RAD54L2: variants seen among roughly 807,000 people sequenced by gnomAD.
RAD54L2 encodes helicase ARIP4.
In RAD54L2, 27 loss-of-function variants were observed where a neutral mutation model predicts 138.4. That is an observed-to-expected ratio of 0.20 (90% CI 0.14 to 0.27). The LOEUF is 0.27. Among genes scored for constraint, RAD54L2 ranks in the 10% least tolerant of loss-of-function variants. RAD54L2 has a pLI of 1.00. For synonymous variants in RAD54L2, 644 were observed against 723.2 expected, an observed-to-expected ratio of 0.89 and a Z score of 1.76; for missense variants, 1,396 against 1,890.2, an observed-to-expected ratio of 0.74 and a Z score of 4.85.
At chr3:51,617,375 C>T (rs576921750) in intron 3 of RAD54L2, among the ~76,000 whole-genome samples, 3 of 152,276 alleles carry the variant, frequency 2.0e-5, no homozygotes, top group African/African-American at 7.2e-5. Flanking sequence ...CCCACATCTT[C>T]GTTAGCACTT....
chr3:51,551,763 T>C (rs932627230), intron 2 of RAD54L2, among the ~76,000 whole-genome samples: 3 of 151,302 alleles, frequency 2.0e-5, no homozygotes, highest in Non-Finnish European at 4.4e-5. Context: ...TTCTTTCTTT[T>C]TTTTTTTTGA....
chr3:51,543,008 A>G (rs1553671585), intron 2 of RAD54L2, among the ~76,000 whole-genome samples: 1 of 152,114 alleles, frequency 6.6e-6, no homozygotes, highest in African/African-American at 2.4e-5. Context: ...CTGGCACCAG[A>G]GACCTGGCTT....
At position 51,657,622 on chromosome 3, in the gene RAD54L2, CA is replaced by C; in HGVS notation, c.3271del (p.Arg1091GlufsTer136). On this transcript the variant is annotated frameshift_variant, in exon 21 of 23. Coordinates refer to ENST00000684192, the MANE Select transcript of RAD54L2 (RefSeq NM_015106.4). LOFTEE classifies it high-confidence loss of function. ...CTCAACAGCTCCACAGATGTACAGG[CA>C]AGAATTAATGCTGGTGAGAGCATCC... is the stretch of plus-strand genomic sequence containing the variant. ...PGLNSSTDVQ[A>X]RINAGESIHI... 6.3e-7 allele frequency: 1 copy of C among 1,585,350 alleles called. No homozygotes were observed. Among genetic ancestry groups the C allele is most frequent in the Non-Finnish European group, 8.6e-7 (1 of 1,163,774 alleles).
chr3:51,626,533 C>T (rs1408219141), intron 3 of RAD54L2, among the ~76,000 whole-genome samples: 7 of 143,212 alleles, frequency 4.9e-5, no homozygotes, highest in Admixed American at 1.5e-4. Context: ...CAACCTCCGC[C>T]TCCTGGGTTC....
chr3:51,545,339 G>A lies in RAD54L2; in HGVS notation c.-55+3689G>A, dbSNP rs570929403. On this transcript the variant is annotated intron_variant, in intron 2 of 22. Transcript: ENST00000684192. ...CCTGAGCAGCTGGGATTACAGGCGC[G>A]TGCCACCACGCCTGGCTAGTTTTTG... Among the ~76,000 whole-genome samples the A allele has an allele frequency of 3.7e-3, 562 of 152,074 alleles. 6 individuals carry two copies. Among genetic ancestry groups the A allele is most frequent in the Non-Finnish European group, 1.1e-3 (74 of 68,004 alleles).
intron 2 of RAD54L2, among the ~76,000 whole-genome samples, chr3:51,587,109 T>C (rs1699727673): frequency 6.6e-6 from 1 of 152,012 alleles, no homozygotes; most frequent in Non-Finnish European, 1.5e-5. Context: ...CTTTCTTTTT[T>C]TTTTTCTCGA....
rs1479171981 is a variant in RAD54L2, at chr3:51,657,615, G to T, written c.3262G>T (p.Val1088Leu). Reference protein sequence around the residue: ...VIPGLNSSTDVQARINAGESI... With the variant: ...VIPGLNSSTDLQARINAGESI... ...TCCTGGACTCAACAGCTCCACAGAT[G>T]TACAGGCAAGAATTAATGCTGGTGA... Residue 1088 changes from valine (V) to leucine (L), a missense_variant, in exon 21 of 23, where the codon GTA (valine) becomes TTA (leucine). Around this residue, in one of 7 missense-constraint regions of RAD54L2, gnomAD observed 634 missense variants for 711.2 expected, o/e 0.89. Coordinates refer to ENST00000684192, the MANE Select transcript of RAD54L2 (RefSeq NM_015106.4). 2 of 1,584,834 alleles carry T rather than the reference G, an allele frequency of 1.3e-6. No individual in the cohort carries two copies.
At chr3:51,562,438 C>T (rs537493555) in intron 2 of RAD54L2, among the ~76,000 whole-genome samples, 3 of 152,248 alleles carry the variant, frequency 2.0e-5, no homozygotes, top group Admixed American at 6.5e-5. Context: ...ACATGTTGGC[C>T]AGGCTGGTTT....
intron 3 of RAD54L2, among the ~76,000 whole-genome samples, chr3:51,608,147 C>T (rs556858982): frequency 9.9e-5 from 15 of 151,014 alleles, no homozygotes; most frequent in African/African-American, 2.7e-4. Context: ...ACCTCCCAGA[C>T]GAGGTGGCGG....
At chr3:51,654,133 C>T (rs371857845) in intron 19 of RAD54L2, among the ~76,000 whole-genome samples, 13 of 149,626 alleles carry the variant, frequency 8.7e-5, no homozygotes, top group East Asian at 4.0e-4. Context: ...CTGCAACCTT[C>T]GCTTCCTGGG....
At chr3:51,647,655 G>C (rs974856683) in intron 19 of RAD54L2, among the ~76,000 whole-genome samples, 1 of 152,052 alleles carries the variant, frequency 6.6e-6, no homozygotes, top group Non-Finnish European at 1.5e-5. Context: ...GGCAACAAGA[G>C]CAAAACTCCG....
At chr3:51,605,451 G>GTTTTTT (rs56187003) in intron 3 of RAD54L2, among the ~76,000 whole-genome samples, 3 of 109,240 alleles carry the variant, frequency 2.7e-5, no homozygotes, top group African/African-American at 3.6e-5. Flanking sequence ...GAATTTGAGG[G>GTTTTTT]TTTTTTTTTT....
At chr3:51,556,783 T>C (rs1453704341) in intron 2 of RAD54L2, among the ~76,000 whole-genome samples, 1 of 151,196 alleles carries the variant, frequency 6.6e-6, no homozygotes, top group Non-Finnish European at 1.5e-5. Flanking sequence ...TCCATTTTGG[T>C]CAGGCTGTTG....
intron 2 of RAD54L2, among the ~76,000 whole-genome samples, chr3:51,562,550 A>C (rs1380889416): frequency 6.6e-6 from 1 of 152,142 alleles, no homozygotes; most frequent in Non-Finnish European, 1.5e-5. Context: ...TTTTTAGTAC[A>C]GACAGGGTTT....
Position 51,668,236 on chromosome 3 carries a change from C to T in RAD54L2, c.*4816C>T, listed in dbSNP as rs1009625810. 1 of 152,222 alleles carries T rather than the reference C, an allele frequency of 6.6e-6. No individual in the cohort carries two copies. The highest frequency in any genetic ancestry group is 2.4e-5 in the African/African-American group (1 of 41,422). 9.4% of individuals were successfully genotyped at this position (152,222 alleles called of 1,614,324 possible). ...ACAGGTTTTTCCCTTGTACCATCTTCAGAGAGGTCAGGGGAAGAGGGTCCA... is the reference window on the plus strand; with the variant it reads ...ACAGGTTTTTCCCTTGTACCATCTTTAGAGAGGTCAGGGGAAGAGGGTCCA... On this transcript the variant is annotated 3_prime_UTR_variant, in exon 23 of 23. Coordinates refer to ENST00000684192, the MANE Select transcript of RAD54L2 (RefSeq NM_015106.4).
chr3:51,607,907 G>A (rs1559634524), intron 3 of RAD54L2, among the ~76,000 whole-genome samples: 1 of 148,634 alleles, frequency 6.7e-6, no homozygotes, highest in East Asian at 2.0e-4. Flanking sequence ...CCTCCCGGAC[G>A]GGGCGGCTGG....
chr3:51,541,941 GGCAAGGTGATT>G (rs2108682334), intron 2 of RAD54L2: 1 of 152,262 alleles, frequency 6.6e-6, no homozygotes, highest in Non-Finnish European at 1.5e-5. Context: ...TTGCCTTAAA[GGCAAGGTGATT>G]GCTTAAATAA....
At position 51,662,446 on chromosome 3, in the gene RAD54L2, G is replaced by C; in HGVS notation, c.3430G>C (p.Glu1144Gln). The change falls in exon 23 of 23, where the codon GAG (glutamate) becomes CAG (glutamine). Residue 1144 changes from glutamate (E) to glutamine (Q), a missense_variant. By Grantham distance (29) the Glu-to-Gln change is conservative. Coordinates refer to ENST00000684192, the MANE Select transcript of RAD54L2 (RefSeq NM_015106.4). This position sits in a 1 kb window ranked among gnomAD's most constrained non-coding sequence, Gnocchi z 4.6. ...AASGSQGPSC[E>Q]STSNGRHSAS... ...CCCAGGTTCCCAGGGACCTTCTTGC[G>C]AGTCCACAAGCAACGGCAGACACAG... 6.5e-7 allele frequency: 1 copy of C among 1,527,734 alleles called. No individual in the cohort carries two copies. Among genetic ancestry groups the C allele is most frequent in the Non-Finnish European group, 8.8e-7 (1 of 1,136,432 alleles). The allele number at this position is 1,527,734 out of a possible 1,614,324, so 94.6% of individuals were successfully genotyped here.
intron 5 of RAD54L2, among the ~76,000 whole-genome samples, chr3:51,629,693 TACTAAAAATACAAAAAAAAATTA>T (rs1201500047): frequency 4.0e-5 from 6 of 151,668 alleles, no homozygotes; most frequent in African/African-American, 1.2e-4. Context: ...ACCCCGTCTC[TACTAAAAATACAAAAAAAAATTA>T]GCCGGGCGTG....
Sources: gnomAD v4.1 joint callset for allele counts (sites outside exome capture counted in the v4.1 genomes callset) on GRCh38, gnomAD v4.1.1 for gene constraint, gnomAD v4.1.1 regional missense constraint, Gnocchi (gnomAD v3.1) non-coding constraint, MANE v1.5 for transcripts, NCBI Gene and HGNC (gene_info 2026-07-23, HGNC 2026-07-21) for gene names.